The following CRTC3 variants were observed in gnomAD, a reference collection of about 807,000 sequenced individuals.
CRTC3 encodes the protein CREB regulated transcription coactivator 3.
CRTC3 carries 26 observed loss-of-function variants against 74.5 expected under a neutral mutation model. The ratio of observed to expected loss-of-function variants is 0.35; its 90% CI spans 0.26 to 0.48. The LOEUF is 0.48. Ranked by LOEUF, CRTC3 falls within the 20% of genes least tolerant of loss-of-function variation. CRTC3 has a pLI of 0.99. For synonymous variants in CRTC3, 377 were observed against 325.8 expected (o/e 1.16, Z -1.69); for missense variants, 760 against 787.3 (o/e 0.97, Z 0.41).
intron 9 of CRTC3, among the ~76,000 whole-genome samples, chr15:90,621,270 C>T (rs1169030278): frequency 1.3e-5 from 2 of 152,122 alleles, no homozygotes; most frequent in Admixed American, 1.3e-4. Flanking sequence ...AATTGGGCTG[C>T]AGTACTTTAG....
chr15:90,542,869 A>G (rs1222815478), intron 2 of CRTC3, among the ~76,000 whole-genome samples: 1 of 152,180 alleles, frequency 6.6e-6, no homozygotes, highest in Admixed American at 6.5e-5. Flanking sequence ...GGTCTGCCTA[A>G]TGTATCTTTG....
At chr15:90,639,383 A>G (rs1023044020) in intron 13 of CRTC3, among the ~76,000 whole-genome samples, 15 of 151,996 alleles carry the variant, frequency 9.9e-5, no homozygotes, top group Non-Finnish European at 1.8e-4. Context: ...ATAGTATTCA[A>G]TAAGTATGGA....
intron 2 of CRTC3, among the ~76,000 whole-genome samples, chr15:90,542,431 G>A (rs528844190): frequency 7.9e-5 from 12 of 151,990 alleles, no homozygotes; most frequent in South Asian, 4.2e-4. Flanking sequence ...CGCCCATCTC[G>A]TCCTCCCAAA....
chr15:90,634,410 C>A (rs1007048845), intron 11 of CRTC3, among the ~76,000 whole-genome samples: 1 of 152,088 alleles, frequency 6.6e-6, no homozygotes, highest in Non-Finnish European at 1.5e-5. Context: ...AGCACGCCAG[C>A]CTTGTTATCT....
At chr15:90,547,369 G>A (rs1966846122) in intron 2 of CRTC3, among the ~76,000 whole-genome samples, 1 of 152,136 alleles carries the variant, frequency 6.6e-6, no homozygotes. Flanking sequence ...TCACTTTGGA[G>A]TTTACAAAAT....
At chr15:90,630,691 T>A (rs950481649) in intron 11 of CRTC3, among the ~76,000 whole-genome samples, 1 of 151,878 alleles carries the variant, frequency 6.6e-6, no homozygotes, top group African/African-American at 2.4e-5. Flanking sequence ...TGGTTCTCCT[T>A]ATACCATAAT....
Position 90,629,511 on chromosome 15 carries a change from G to C in CRTC3, c.1245G>C (p.Leu415=). ...GACAGCTGTCTTCAACCAGCCCACT[G>C]GCCCCATATCCTACCTCCCAGGTAA... The part of the protein sequence containing the change: ...FSRQLSSTSP[L]APYPTSQMVS... Residue 415 remains leucine, a synonymous_variant, in exon 11 of 15, where the codon CTG becomes CTC. Transcript: ENST00000268184. 6.2e-7 allele frequency: 1 copy of C among 1,613,980 alleles called. No individual in the cohort carries two copies. Among genetic ancestry groups the C allele is most frequent in the Non-Finnish European group, 8.5e-7 (1 of 1,179,978 alleles).
intron 6 of CRTC3, chr15:90,613,692 A>C (rs1312534391): frequency 6.6e-6 from 1 of 152,250 alleles, no homozygotes; most frequent in Non-Finnish European, 1.5e-5. Flanking sequence ...TTAAAGGCTT[A>C]GAACTTTATA....
chr15:90,614,288 T>C (rs1968434341), intron 6 of CRTC3, 165 bp from the exon 7 acceptor site: 5 of 550,064 alleles, frequency 9.1e-6, no homozygotes, highest in Non-Finnish European at 1.6e-5. Context: ...TACCTATTTT[T>C]AGTATAAATG....
intron 2 of CRTC3, among the ~76,000 whole-genome samples, chr15:90,549,847 C>T (rs948825935): frequency 3.3e-5 from 5 of 151,178 alleles, no homozygotes; most frequent in South Asian, 2.1e-4. Context: ...AGACTACAGG[C>T]GCCTGCCACC....
chr15:90,554,519 T>C lies in CRTC3; in HGVS notation c.231+14382T>C, dbSNP rs543782018. 1.1e-4 allele frequency among the ~76,000 whole-genome samples: 16 copies of C among 152,316 alleles called. No individual in the cohort carries two copies. The South Asian group carries it at 3.3e-3, about 32-fold the overall frequency. On this transcript the variant is annotated intron_variant, in intron 2 of 14. Transcript: ENST00000268184. The stretch of plus-strand genomic sequence containing the variant: ...TGACCAGCCAAGGTATTTCCTCTTA[T>C]AATTGTTCCTATTGCTCCTGCTTCC...
At chr15:90,532,096 A>G (rs1479090931) in intron 1 of CRTC3, among the ~76,000 whole-genome samples, 3 of 152,128 alleles carry the variant, frequency 2.0e-5, no homozygotes, top group African/African-American at 7.2e-5. Flanking sequence ...TTATGGTGTC[A>G]TTTTGCCCTT....
At chr15:90,604,128 A>C in intron 4 of CRTC3, 11 of 364,724 alleles carry the variant, frequency 3.0e-5, no homozygotes, top group East Asian at 4.6e-5. Context: ...TCATCTGCCC[A>C]GCTAGCTAAT....
At chr15:90,634,055 A>G (rs375885241) in intron 11 of CRTC3, among the ~76,000 whole-genome samples, 1 of 151,820 alleles carries the variant, frequency 6.6e-6, no homozygotes, top group Non-Finnish European at 1.5e-5. Context: ...CCTAAATTGC[A>G]TAAAAGTAGA....
In CRTC3 at chr15:90,613,072, C is replaced by T. The variant is rs190392301; in HGVS notation, c.578-1381C>T. ...AAAATTAGCCGGGCCTGGTGGCACG[C>T]GCCTGTAATCCCAACTACTGGGGAG... On this transcript the variant is annotated intron_variant, in intron 6 of 14. Transcript: ENST00000268184. Among the ~76,000 whole-genome samples the T allele has an allele frequency of 3.4e-3, 499 of 148,802 alleles. 3 individuals are homozygous for T. Among genetic ancestry groups the T allele is most frequent in the African/African-American group, 0.012 (482 of 39,900 alleles).
chr15:90,556,268 T>G (rs1966889269), intron 2 of CRTC3, among the ~76,000 whole-genome samples: 1 of 152,206 alleles, frequency 6.6e-6, no homozygotes, highest in Admixed American at 6.5e-5. Flanking sequence ...CACTTTTATG[T>G]ATGAGTCATC....
intron 5 of CRTC3, among the ~76,000 whole-genome samples, chr15:90,606,372 G>A (rs1192836450): frequency 1.3e-5 from 2 of 152,112 alleles, no homozygotes; most frequent in African/African-American, 4.8e-5. Context: ...GACCAGCCTG[G>A]CCAACATGGT....
intron 2 of CRTC3, among the ~76,000 whole-genome samples, chr15:90,557,934 G>T (rs975614302): frequency 1.3e-5 from 2 of 152,060 alleles, no homozygotes; most frequent in African/African-American, 4.8e-5. Flanking sequence ...TTGAAATCGT[G>T]CCCTGAAACA....
At chr15:90,565,752 C>T (rs568334475) in intron 2 of CRTC3, among the ~76,000 whole-genome samples, 6 of 152,218 alleles carry the variant, frequency 3.9e-5, no homozygotes, top group South Asian at 2.1e-4. Context: ...TTTGGGGTCC[C>T]GTGAACATCA....
Sources: allele counts gnomAD v4.1 joint callset (sites outside exome capture counted in the v4.1 genomes callset), GRCh38; gene constraint gnomAD v4.1.1; transcripts MANE v1.5; gene names NCBI Gene and HGNC (gene_info 2026-07-23, HGNC 2026-07-21).